FAM171A2: variants seen among roughly 807,000 people sequenced by gnomAD.
FAM171A2 encodes the protein protein FAM171A2.
FAM171A2 carries 13 observed loss-of-function variants against 34.2 expected under a neutral mutation model. That is an observed-to-expected ratio of 0.38 (90% CI 0.25 to 0.60). The LOEUF (loss-of-function observed/expected upper bound fraction) is 0.60, where lower values mean the gene tolerates loss of function less well. Among genes scored for constraint, FAM171A2 ranks in the 20% least tolerant of loss-of-function variants. The pLI is 0.62. For synonymous variants in FAM171A2, 475 were observed against 561.2 expected, an observed-to-expected ratio of 0.85 and a Z score of 2.17; for missense variants, 950 against 1,180.7, an observed-to-expected ratio of 0.80 and a Z score of 2.86.
Position 44,353,847 on chromosome 17 carries a change from C to G in FAM171A2, c.2367G>C (p.Ser789=), listed in dbSNP as rs764277016. Reference sequence around the variant, plus strand: ...CCAGCTCGTCCTCCGGGCTGGTGAGCGAGTCGCGCCGCAGCTCGCTGGCGC... The same window carrying G: ...CCAGCTCGTCCTCCGGGCTGGTGAGGGAGTCGCGCCGCAGCTCGCTGGCGC... ...RSSASELRRD[S]LTSPEDELGA... is the part of the protein sequence containing the mutation. The change falls in exon 8 of 8, where the codon TCG becomes TCC. Residue 789 remains serine (S), a synonymous_variant. Transcript: ENST00000293443. The G allele has an allele frequency of 7.2e-7, 1 of 1,395,708 alleles. No homozygotes were observed. The highest frequency in any genetic ancestry group is 9.3e-7 in the Non-Finnish European group (1 of 1,074,196). The allele number at this position is 1,395,708 out of a possible 1,614,324, so 86.5% of individuals were successfully genotyped here.
At position 44,353,717 on chromosome 17, in the gene FAM171A2, A is replaced by G. The variant is rs771696213; in HGVS notation, c.*16T>C. ...GGGCCCGCGCGGGAGGGGCGGTGCC[A>G]GGCCCTGCGCGGGCGCTACTTGACG... On this transcript the variant is annotated 3_prime_UTR_variant, in exon 8 of 8. Transcript: ENST00000293443. The G allele has an allele frequency of 1.2e-5, 17 of 1,363,452 alleles. 1 individual carries two copies. In the Middle Eastern group the frequency reaches 2.7e-3, roughly 218 times the overall value. 84.5% of individuals were successfully genotyped at this position (1,363,452 alleles called of 1,614,324 possible). A position where few individuals can be genotyped will look rare whatever the true frequency, so the allele number is the denominator to read the frequency against.
intron 3 of FAM171A2, among the ~76,000 whole-genome samples, chr17:44,357,884 G>A (rs2048431975): frequency 6.6e-6 from 1 of 152,116 alleles, no homozygotes; most frequent in Non-Finnish European, 1.5e-5. Flanking sequence ...CTGCAATTAG[G>A]AAAATAGCCC....
In FAM171A2 at chr17:44,353,554, A is replaced by C; in HGVS notation, c.*179T>G. 8 of 325,078 alleles carry C rather than the reference A, an allele frequency of 2.5e-5. No individual in the cohort carries two copies. Among genetic ancestry groups the C allele is most frequent in the Non-Finnish European group, 3.0e-5 (6 of 201,816 alleles). 20.1% of individuals were successfully genotyped at this position (325,078 alleles called of 1,614,324 possible). On this transcript the variant is annotated 3_prime_UTR_variant, in exon 8 of 8. Transcript: ENST00000293443. ...CCCCCCTCCTCCCCGGCTTGGAGGC[A>C]GACACAGGGTCCCTTGCAAGACACG...
Position 44,355,626 on chromosome 17 carries a change from C to G in FAM171A2, c.1022+89G>C, listed in dbSNP as rs1157646133. 5 of 1,513,220 alleles carry G rather than the reference C, an allele frequency of 3.3e-6. No individual in the cohort carries two copies. Among genetic ancestry groups the G allele is most frequent in the Non-Finnish European group, 4.5e-6 (5 of 1,120,676 alleles). 93.7% of individuals were successfully genotyped at this position (1,513,220 alleles called of 1,614,324 possible). On this transcript the variant is annotated intron_variant, in intron 7 of 7. Coordinates refer to ENST00000293443, the MANE Select transcript of FAM171A2 (RefSeq NM_198475.3). The surrounding 1 kb of genome is among the most constrained non-coding windows in gnomAD (Gnocchi z 4.1). ...GCAGGAAGTCTTTTCCTGTCTGCCC[C>G]TTGAGGACCAGAAGTGGATTTTATG...
At chr17:44,359,532 G>T in intron 3 of FAM171A2, 47 bp downstream of exon 3, 2 of 1,491,476 alleles carry the variant, frequency 1.3e-6, no homozygotes, top group Non-Finnish European at 1.8e-6. Context: ...TCTACACCTA[G>T]GTCAGGGGAA....
At position 44,356,109 on chromosome 17, in the gene FAM171A2, G is replaced by C. The variant is rs921291120; in HGVS notation, c.779-35C>G. The C allele has an allele frequency of 2.0e-6, 3 of 1,522,170 alleles. No homozygotes were observed. The South Asian group carries it at 3.7e-5, about 19-fold the overall frequency. 94.3% of individuals were successfully genotyped at this position (1,522,170 alleles called of 1,614,324 possible). A position where few individuals can be genotyped will look rare whatever the true frequency, so the allele number is the denominator to read the frequency against. On this transcript the variant is annotated intron_variant, in intron 5 of 7. Coordinates refer to ENST00000293443, the MANE Select transcript of FAM171A2 (RefSeq NM_198475.3). ...GCAGGGGTTTTGTCACACTTGAGTC[G>C]CTCCCACTCAAGTCCCACTTTCTTC... is the stretch of plus-strand genomic sequence containing the variant.
Position 44,353,504 on chromosome 17 carries a change from G to C in FAM171A2, c.*229C>G, listed in dbSNP as rs2048399876. On this transcript the variant is annotated 3_prime_UTR_variant, in exon 8 of 8. Transcript: ENST00000293443. ...CTGCTTCCCCCCAGCCCTCCTCCCC[G>C]GCACCTCCCCGTGGGGGTCTGGACC... The C allele has an allele frequency of 4.5e-6, 1 of 221,188 alleles. No individual in the cohort carries two copies. Among genetic ancestry groups the C allele is most frequent in the Non-Finnish European group, 8.7e-6 (1 of 115,330 alleles). The allele number at this position is 221,188 out of a possible 1,614,324, so 13.7% of individuals were successfully genotyped here.
chr17:44,353,772 C>T lies in FAM171A2; in HGVS notation c.2442G>A (p.Arg814=). The change falls in exon 8 of 8, where the codon CGG becomes CGA. Residue 814 remains arginine (R), a synonymous_variant. Transcript: ENST00000293443. Reference sequence around the variant, plus strand: ...ACACCATCAGCGGCCGCTCCTCCCGCCGCTGCCACGGGCTCTTCTTGTCTC... The same window carrying T: ...ACACCATCAGCGGCCGCTCCTCCCGTCGCTGCCACGGGCTCTTCTTGTCTC... ...EAGDKKSPWQ[R]REERPLMVFN... is the part of the protein sequence containing the mutation. The T allele has an allele frequency of 7.0e-7, 1 of 1,436,672 alleles. No individual in the cohort carries two copies. The highest frequency in any genetic ancestry group is 1.3e-5 in the South Asian group (1 of 75,734). 89.0% of individuals were successfully genotyped at this position (1,436,672 alleles called of 1,614,324 possible).
At position 44,355,617 on chromosome 17, in the gene FAM171A2, T is replaced by G. The variant is rs1177238535; in HGVS notation, c.1022+98A>C. 3.4e-6 allele frequency: 5 copies of G among 1,479,046 alleles called. No individual in the cohort carries two copies. In the South Asian group the frequency reaches 6.4e-5, roughly 19 times the overall value. 91.6% of individuals were successfully genotyped at this position (1,479,046 alleles called of 1,614,324 possible). A position where few individuals can be genotyped will look rare whatever the true frequency, so the allele number is the denominator to read the frequency against. ...AGCATGTTTGCAGGAAGTCTTTTCC[T>G]GTCTGCCCCTTGAGGACCAGAAGTG... is the stretch of plus-strand genomic sequence containing the variant. On this transcript the variant is annotated intron_variant, in intron 7 of 7. Coordinates refer to ENST00000293443, the MANE Select transcript of FAM171A2 (RefSeq NM_198475.3). The surrounding 1 kb of genome is among the most constrained non-coding windows in gnomAD (Gnocchi z 4.1).
At chr17:44,360,555 A>C (rs1266697286) in intron 1 of FAM171A2, among the ~76,000 whole-genome samples, 2 of 152,162 alleles carry the variant, frequency 1.3e-5, no homozygotes, top group Non-Finnish European at 2.9e-5. Context: ...GAGAGTTTAG[A>C]TACTTGGACT....
intron 3 of FAM171A2, among the ~76,000 whole-genome samples, chr17:44,357,730 C>CGTGTGTGT (rs141824631): frequency 0.019 from 2,745 of 143,344 alleles, 96 homozygotes; most frequent in African/African-American, 0.068. Flanking sequence ...CAGTTTAGGT[C>CGTGTGTGT]GTGTGTGTGT....
At chr17:44,359,414 G>T in intron 3 of FAM171A2, 165 bp downstream of exon 3, 1 of 618,842 alleles carries the variant, frequency 1.6e-6, no homozygotes. Context: ...ACTCCAATTT[G>T]ATGATGTAGG....
Position 44,355,922 on chromosome 17 carries a change from C to A in FAM171A2, c.895+36G>T. 1 of 1,544,438 alleles carries A rather than the reference C, an allele frequency of 6.5e-7. No homozygotes were observed. Among genetic ancestry groups the A allele is most frequent in the African/African-American group, 1.4e-5 (1 of 73,108 alleles). ...AGTCTGCTCTCCCAGCTCCCCTCCTCCGCGGCCTCTACGCCCACTGCCCCA... is the reference window on the plus strand; with the variant it reads ...AGTCTGCTCTCCCAGCTCCCCTCCTACGCGGCCTCTACGCCCACTGCCCCA... On this transcript the variant is annotated intron_variant, in intron 6 of 7. Coordinates refer to ENST00000293443, the MANE Select transcript of FAM171A2 (RefSeq NM_198475.3). The surrounding 1 kb of genome is among the most constrained non-coding windows in gnomAD (Gnocchi z 4.1).
rs1183075843 is a variant in FAM171A2, at chr17:44,353,817, C to G, written c.2397G>C (p.Ala799=). 11 of 1,426,432 alleles carry G rather than the reference C, an allele frequency of 7.7e-6. No homozygotes were observed. Among genetic ancestry groups the G allele is most frequent in the Admixed American group, 2.7e-5 (1 of 37,250 alleles). 88.4% of individuals were successfully genotyped at this position (1,426,432 alleles called of 1,614,324 possible). The part of the protein sequence containing the change: ...SLTSPEDELG[A]EVGDEAGDKK... ...TGTCTCCCGCCTCGTCGCCCACCTC[C>G]GCCCCCAGCTCGTCCTCCGGGCTGG... is the stretch of plus-strand genomic sequence containing the variant. Residue 799 remains alanine (A), a synonymous_variant, in exon 8 of 8, where the codon GCG becomes GCC. Coordinates refer to ENST00000293443, the MANE Select transcript of FAM171A2 (RefSeq NM_198475.3).
At chr17:44,360,314 C>A (rs708384) in intron 1 of FAM171A2, among the ~76,000 whole-genome samples, 182 bp from the exon 2 acceptor site, 70,245 of 152,142 alleles carry the variant, frequency 0.46, 18,232 homozygotes, top group African/African-American at 0.72. Flanking sequence ...CAGCCCATGC[C>A]GGAGGTGGGA....
rs1229710308 is a variant in FAM171A2, at chr17:44,354,497, C to A, written c.1717G>T (p.Ala573Ser). The stretch of plus-strand genomic sequence containing the variant: ...GGGTCGGGCTGGGGAAAAGCGCGCG[C>A]CGGGCCGGGTGCCGTGCCCTCCGGC... ...APPEGTAPGPARAFPQPDPQR... is the reference protein window; with the variant it reads ...APPEGTAPGPSRAFPQPDPQR... Residue 573 changes from alanine to serine, a missense_variant, in exon 8 of 8, where the codon GCG (alanine) becomes TCG (serine). This residue lies in a region of FAM171A2 where 752 missense variants were observed against 924.5 expected (regional missense o/e 0.81). Transcript: ENST00000293443. This position sits in a 1 kb window ranked among gnomAD's most constrained non-coding sequence, Gnocchi z 5.8. The A allele has an allele frequency of 3.7e-6, 4 of 1,086,442 alleles. No homozygotes were observed. Among genetic ancestry groups the A allele is most frequent in the African/African-American group, 1.7e-5 (1 of 59,292 alleles). 67.3% of individuals were successfully genotyped at this position (1,086,442 alleles called of 1,614,324 possible).
chr17:44,356,637 C>T, intron 3 of FAM171A2, 49 bp from the exon 4 acceptor site: 2 of 1,492,494 alleles, frequency 1.3e-6, no homozygotes, highest in Non-Finnish European at 1.8e-6. Context: ...CAGGGATCCC[C>T]AGGGACCAGA....
chr17:44,355,508 G>A lies in FAM171A2; in HGVS notation c.1022+207C>T, dbSNP rs1474457695. 2.0e-5 allele frequency among the ~76,000 whole-genome samples: 3 copies of A among 152,170 alleles called. No homozygotes were observed. Among genetic ancestry groups the A allele is most frequent in the Non-Finnish European group, 2.9e-5 (2 of 68,014 alleles). On this transcript the variant is annotated intron_variant, in intron 7 of 7. Transcript: ENST00000293443. The surrounding 1 kb of genome is among the most constrained non-coding windows in gnomAD (Gnocchi z 4.1). ...GGGGCAGTGGCAGATCTCTCTGGAGGGGCCGGGCTGCAAGTCCTTAAGCCC... is the reference window on the plus strand; with the variant it reads ...GGGGCAGTGGCAGATCTCTCTGGAGAGGCCGGGCTGCAAGTCCTTAAGCCC...
rs750083439 is a variant in FAM171A2 at position 44,356,479 on chromosome 17, C to T, written c.549G>A (p.Gln183=). 1.7e-5 allele frequency: 26 copies of T among 1,550,826 alleles called. No homozygotes were observed. The East Asian group carries it at 5.6e-4, about 34-fold the overall frequency. ...GGAAGGCAGGGAAAGCCCGCATTTC[C>T]TGCTGGGTGCTGGCAGGCGTAAGTG... The part of the protein sequence containing the change: ...WASLTPASTQ[Q]EMRAFPAFLG... The change falls in exon 4 of 8, where the codon CAG becomes CAA. Residue 183 remains glutamine (Q), a synonymous_variant. Transcript: ENST00000293443.
Sources: allele counts gnomAD v4.1 joint callset (sites outside exome capture counted in the v4.1 genomes callset), GRCh38; gene constraint gnomAD v4.1.1; regional missense constraint gnomAD v4.1.1; non-coding constraint Gnocchi (gnomAD v3.1); transcripts MANE v1.5; gene names NCBI Gene and HGNC (gene_info 2026-07-23, HGNC 2026-07-21).